Variants in COL6A5 observed in about 807,000 individuals in gnomAD.
COL6A5 encodes the protein collagen type VI alpha 5 chain.
Under a neutral mutation model 65.6 loss-of-function variants are expected in COL6A5, and 48 were observed. The ratio of observed to expected loss-of-function variants is 0.73; its 90% confidence interval spans 0.58 to 0.93. COL6A5 has a LOEUF of 0.93. Ranked by LOEUF, COL6A5 falls within the 40% of genes least tolerant of loss-of-function variation. The pLI is 0.00. For synonymous variants in COL6A5, 291 were observed against 322.8 expected (o/e 0.90, Z 1.05); for missense variants, 914 against 928.3 (o/e 0.98, Z 0.20).
chr3:130,450,128 A>G (rs1248551956), intron 4 of COL6A5, among the ~76,000 whole-genome samples: 8 of 150,204 alleles, frequency 5.3e-5, no homozygotes, highest in Non-Finnish European at 8.9e-5. Context: ...GGCTGTAGGT[A>G]GATTTGTTTG....
chr3:130,418,722 A>G, intron 24 of COL6A5, 147 bp from the exon 25 acceptor site: 1 of 638,646 alleles, frequency 1.6e-6, no homozygotes, highest in South Asian at 1.9e-5. Context: ...TGAAAAAAAC[A>G]TAATTTGTGC....
intron 1 of COL6A5, among the ~76,000 whole-genome samples, chr3:130,357,739 T>C (rs1426676993): frequency 6.6e-6 from 1 of 152,248 alleles, no homozygotes; most frequent in Non-Finnish European, 1.5e-5. Flanking sequence ...TTGTAGTAGA[T>C]GCTGAAAAGG....
chr3:130,478,847 T>G (rs998432211), intron 7 of COL6A5, among the ~76,000 whole-genome samples: 3 of 152,124 alleles, frequency 2.0e-5, no homozygotes. Flanking sequence ...ATGGGGTATT[T>G]GAACTCATGT....
chr3:130,448,178 C>T (rs1242775411), intron 4 of COL6A5, among the ~76,000 whole-genome samples: 2 of 152,082 alleles, frequency 1.3e-5, no homozygotes, highest in Non-Finnish European at 2.9e-5. Flanking sequence ...GAAGAAAACA[C>T]CACTCCACTA....
At chr3:130,416,524 T>C (rs771004627) in intron 23 of COL6A5, among the ~76,000 whole-genome samples, 47 of 152,152 alleles carry the variant, frequency 3.1e-4, no homozygotes, top group Non-Finnish European at 5.7e-4. Flanking sequence ...AAGCCCCGTA[T>C]GGACTAGTGA....
intron 4 of COL6A5, among the ~76,000 whole-genome samples, chr3:130,444,654 T>A (rs1379688591): frequency 6.6e-6 from 1 of 152,054 alleles, no homozygotes; most frequent in Non-Finnish European, 1.5e-5. Context: ...TCCAGCACAC[T>A]AAAAACAAGC....
chr3:130,377,117 T>C (rs1935814483), intron 3 of COL6A5, among the ~76,000 whole-genome samples: 1 of 152,186 alleles, frequency 6.6e-6, no homozygotes, highest in African/African-American at 2.4e-5. Flanking sequence ...CTTTCCTTTC[T>C]AATTTCTTTT....
intron 3 of COL6A5, among the ~76,000 whole-genome samples, chr3:130,442,675 A>G (rs1023968864): frequency 6.6e-6 from 1 of 152,206 alleles, no homozygotes; most frequent in Admixed American, 6.5e-5. Context: ...CTGTTCCCAC[A>G]TGCACAGGCA....
chr3:130,439,798 G>A (rs545230486), intron 2 of COL6A5, among the ~76,000 whole-genome samples, 183 bp downstream of exon 34: 2 of 152,242 alleles, frequency 1.3e-5, no homozygotes, highest in African/African-American at 4.8e-5. Flanking sequence ...TCCATAGAAT[G>A]TGAAAATTGG....
intron 25 of COL6A5, among the ~76,000 whole-genome samples, chr3:130,420,144 A>AGAAGGAAG (rs376710562): frequency 0.6 from 90,171 of 151,144 alleles, 29,082 homozygotes; most frequent in Non-Finnish European, 0.73. Context: ...AAAGGAAGAA[A>AGAAGGAAG]GAAGGAAGGA....
At chr3:130,390,653 A>G (rs1272003365) in intron 6 of COL6A5, among the ~76,000 whole-genome samples, 1 of 152,162 alleles carries the variant, frequency 6.6e-6, no homozygotes, top group Admixed American at 6.5e-5. Context: ...GAAAAAGCAT[A>G]AATAACTGCA....
At chr3:130,438,827 C>T (rs1709101300) in intron 1 of COL6A5, among the ~76,000 whole-genome samples, 1 of 152,106 alleles carries the variant, frequency 6.6e-6, no homozygotes. Context: ...GAGTTATTGA[C>T]TCACTGAATG....
intron 7 of COL6A5, 124 bp downstream of exon 7, chr3:130,391,878 A>T: frequency 2.6e-6 from 2 of 772,344 alleles, no homozygotes; most frequent in Non-Finnish European, 4.1e-6. Flanking sequence ...TGCTCAGGCT[A>T]TCAGTTTTCT....
chr3:130,477,570 A>G (rs1710131256), intron 7 of COL6A5, among the ~76,000 whole-genome samples: 1 of 151,980 alleles, frequency 6.6e-6, no homozygotes, highest in African/African-American at 2.4e-5. Context: ...TTATTTTTCC[A>G]ATATCAACTG....
intron 4 of COL6A5, among the ~76,000 whole-genome samples, chr3:130,448,129 G>A (rs1423054053): frequency 6.6e-6 from 1 of 152,080 alleles, no homozygotes; most frequent in African/African-American, 2.4e-5. Flanking sequence ...ATGGCTATTT[G>A]GTCTAGATAA....
chr3:130,427,861 T>A (rs1384994478), upstream of COL6A5, among the ~76,000 whole-genome samples: 2 of 151,230 alleles, frequency 1.3e-5, no homozygotes, highest in Admixed American at 1.3e-4. Context: ...AAGGAGGCAA[T>A]GGAGAGGAGG....
chr3:130,394,854 C>G, intron 7 of COL6A5, 36 bp from the exon 8 acceptor site: 1 of 1,487,036 alleles, frequency 6.7e-7, no homozygotes, highest in South Asian at 1.3e-5. Context: ...TCGAATGATT[C>G]ATGAGGAAAA....
chr3:130,415,107 C>A (rs962940907), intron 22 of COL6A5, among the ~76,000 whole-genome samples: 2 of 152,090 alleles, frequency 1.3e-5, no homozygotes, highest in African/African-American at 4.8e-5. Flanking sequence ...ACAGCTGGTA[C>A]TTCAATAGGA....
intron 1 of COL6A5, among the ~76,000 whole-genome samples, chr3:130,356,705 A>C (rs1426710002): frequency 6.6e-6 from 1 of 152,298 alleles, no homozygotes; most frequent in East Asian, 1.9e-4. Flanking sequence ...AACTCCAATA[A>C]AACAACCAAA....
Sources: allele counts gnomAD v4.1 joint callset (sites outside exome capture counted in the v4.1 genomes callset), GRCh38; gene constraint gnomAD v4.1.1; transcripts MANE v1.5; gene names NCBI Gene and HGNC (gene_info 2026-07-23, HGNC 2026-07-21).